DMD: variants seen among roughly 807,000 people sequenced by gnomAD.
The protein encoded by DMD is mutant dystrophin.
In DMD, 63 loss-of-function variants were observed where a neutral mutation model predicts 330.1. The observed-to-expected ratio is 0.19, with a 90% CI of 0.16 to 0.24. The LOEUF is 0.24. DMD is among the 10% of genes least tolerant of loss of function. DMD has a pLI of 1.00. For missense variants in DMD, 3,344 were observed against 2,684.1 expected (o/e 1.25, Z -5.43); for synonymous variants, 1,223 against 959.8 (o/e 1.27, Z -5.07).
At chrX:32,652,075 T>C (rs2060196562) in intron 9 of DMD, among the ~76,000 whole-genome samples, 1 of 111,729 alleles carries the variant, frequency 9.0e-6, no homozygotes, top group Non-Finnish European at 1.9e-5. Flanking sequence ...ATATGGGGTA[T>C]TTTAGTTTTT....
intron 29 of DMD, among the ~76,000 whole-genome samples, chrX:32,417,104 T>C (rs2098169015): frequency 1.8e-5 from 2 of 112,075 alleles, no homozygotes; most frequent in South Asian, 7.4e-4. Context: ...CATTGAATTC[T>C]ATCTGTTGTC....
intron 1 of DMD, among the ~76,000 whole-genome samples, chrX:33,131,672 T>C (rs1425757578): frequency 9.0e-6 from 1 of 111,503 alleles, no homozygotes; most frequent in Non-Finnish European, 1.9e-5. Context: ...TTCATGCATA[T>C]CCTCAGGGTT....
In DMD at chrX:31,729,676, T is replaced by G; in HGVS notation, c.7615A>C (p.Asn2539His). 8.3e-7 allele frequency: 1 copy of G among 1,211,659 alleles called. No individual in the cohort carries two copies. The highest frequency in any genetic ancestry group is 1.1e-6 in the Non-Finnish European group (1 of 895,469). ...ELITAAQNLK[N>H]KTSNQEARTI... ...CTAGCCTCTTGATTGCTGGTCTTGT[T>G]TTTCAAATTTTGGGCAGCGGTAATG... The change falls in exon 52 of 79, where the codon AAC becomes CAC. Residue 2539 changes from asparagine to histidine, a missense_variant. Asn to His is a moderately conservative substitution (Grantham distance 68, BLOSUM62 1). Transcript: ENST00000357033.
In DMD at chrX:32,438,276, T is replaced by C; in HGVS notation, c.4036A>G (p.Thr1346Ala). 1 of 1,211,581 alleles carries C rather than the reference T, an allele frequency of 8.3e-7. No individual in the cohort carries two copies. Among genetic ancestry groups the C allele is most frequent in the Non-Finnish European group, 1.1e-6 (1 of 895,294 alleles). ...MDELINEELE[T>A]FNSRWRELHE... The stretch of plus-strand genomic sequence containing the variant: ...AGTTCCCTCCAACGAGAATTAAATG[T>C]CTCAAGTTCCTCATTGATTAGCTCA... The change falls in exon 29 of 79, where the codon ACA becomes GCA. Residue 1346 changes from threonine (T) to alanine (A), a missense_variant. Physicochemically the swap from Thr to Ala is moderately conservative, Grantham distance 58. Coordinates refer to ENST00000357033, the MANE Select transcript of DMD (RefSeq NM_004006.3).
chrX:33,038,981 G>A (rs897116672), intron 1 of DMD, among the ~76,000 whole-genome samples: 1 of 111,348 alleles, frequency 9.0e-6, no homozygotes, highest in African/African-American at 3.3e-5. Flanking sequence ...GTGACAGAGC[G>A]AGGCTTCGTC....
chrX:32,700,251 G>A (rs1165867829), intron 7 of DMD, among the ~76,000 whole-genome samples: 1 of 111,141 alleles, frequency 9.0e-6, no homozygotes, highest in Non-Finnish European at 1.9e-5. Context: ...TAAAAAGAAG[G>A]AAATTTTGTC....
At chrX:33,119,494 G>T (rs73453828) in intron 1 of DMD, among the ~76,000 whole-genome samples, 2,401 of 112,175 alleles carry the variant, frequency 0.021, 59 homozygotes, top group African/African-American at 0.073. Flanking sequence ...ATTCAGTGGC[G>T]ATCAAGGCAG....
chrX:32,842,073 GT>G (rs1260588193), intron 4 of DMD, among the ~76,000 whole-genome samples: 2 of 112,256 alleles, frequency 1.8e-5, no homozygotes, highest in African/African-American at 6.5e-5. Flanking sequence ...CCTTCTATAT[GT>G]TTTATTGCCA....
At chrX:32,248,112 C>CA (rs1488509335) in intron 43 of DMD, among the ~76,000 whole-genome samples, 2 of 111,133 alleles carry the variant, frequency 1.8e-5, no homozygotes, top group Admixed American at 1.9e-4. Context: ...TGTGGTCAGC[C>CA]AAAATTAAAC....
intron 13 of DMD, among the ~76,000 whole-genome samples, chrX:32,592,893 T>C (rs1383437448): frequency 1.8e-5 from 2 of 112,699 alleles, no homozygotes; most frequent in African/African-American, 3.2e-5. Flanking sequence ...AGAAGCTACT[T>C]GTGGTACATC....
intron 1 of DMD, among the ~76,000 whole-genome samples, chrX:33,223,169 G>T (rs1000308620): frequency 9.0e-6 from 1 of 111,177 alleles, no homozygotes; most frequent in Non-Finnish European, 1.9e-5. Flanking sequence ...AAATTAGCTG[G>T]GAGTGGTGGC....
chrX:32,468,411 G>T, intron 23 of DMD, 87 bp downstream of exon 23: 1 of 836,869 alleles, frequency 1.2e-6, no homozygotes, highest in Non-Finnish European at 1.7e-6. Flanking sequence ...AAGGTCAAAT[G>T]CTTATGTACC....
At chrX:31,430,793 C>CTTTTTTTTTTTTT (rs565087970) in intron 60 of DMD, among the ~76,000 whole-genome samples, 1 of 48,336 alleles carries the variant, frequency 2.1e-5, no homozygotes, top group Non-Finnish European at 3.5e-5. Context: ...AAGTTAAGGT[C>CTTTTTTTTTTTTT]TTTTTTTTTT....
chrX:32,570,822 T>C (rs1321298168), intron 15 of DMD, among the ~76,000 whole-genome samples: 2 of 111,864 alleles, frequency 1.8e-5, no homozygotes. Context: ...TTAACATATT[T>C]GGATTTTGTC....
At chrX:31,627,885 A>C (rs1037718555) in intron 54 of DMD, 23 bp from the exon 55 acceptor site, 3 of 1,186,747 alleles carry the variant, frequency 2.5e-6, no homozygotes, top group Non-Finnish European at 3.4e-6. Context: ...AAATGTTCAG[A>C]TGCAATTATT....
In DMD at chrX:32,470,735, T is replaced by C. The variant is rs190571523; in HGVS notation, c.2949+1429A>G. Among the ~76,000 whole-genome samples, 50 of 111,929 alleles carry C rather than the reference T, an allele frequency of 4.5e-4. 1 individual carries two copies. In the East Asian group the frequency reaches 0.01, roughly 23 times the overall value. Reference sequence around the variant, plus strand: ...GTGAAACAGCTACCATTTGGTATTGTAGTAGAATAAATATCTAAATAGGAC... The same window carrying C: ...GTGAAACAGCTACCATTTGGTATTGCAGTAGAATAAATATCTAAATAGGAC... On this transcript the variant is annotated intron_variant, in intron 22 of 78. Coordinates refer to ENST00000357033, the MANE Select transcript of DMD (RefSeq NM_004006.3).
At chrX:32,791,330 A>G (rs1569522745) in intron 7 of DMD, among the ~76,000 whole-genome samples, 1 of 111,552 alleles carries the variant, frequency 9.0e-6, no homozygotes, top group Non-Finnish European at 1.9e-5. Context: ...CAAGCCACCT[A>G]TAAGCCAAAG....
intron 29 of DMD, among the ~76,000 whole-genome samples, chrX:32,417,096 T>C (rs1318029997): frequency 8.9e-6 from 1 of 111,899 alleles, no homozygotes; most frequent in Non-Finnish European, 1.9e-5. Flanking sequence ...TATGAATGCA[T>C]TGAATTCTAT....
intron 50 of DMD, among the ~76,000 whole-genome samples, chrX:31,775,686 T>TA (rs773585669): frequency 1.4e-3 from 154 of 110,083 alleles, no homozygotes; most frequent in African/African-American, 4.9e-3. Context: ...CTAAGAATAT[T>TA]AAAAAAAAAT....
Sources: gnomAD v4.1 joint callset for allele counts (sites outside exome capture counted in the v4.1 genomes callset) on GRCh38, gnomAD v4.1.1 for gene constraint, MANE v1.5 for transcripts, NCBI Gene and HGNC (gene_info 2026-07-23, HGNC 2026-07-21) for gene names.